ARHGEF3: variants seen among roughly 807,000 people sequenced by gnomAD.
ARHGEF3 encodes the protein Rho guanine nucleotide exchange factor 3.
A neutral mutation model predicts 63.2 loss-of-function variants in ARHGEF3; 28 were observed. That is an observed-to-expected ratio of 0.44 (90% CI 0.33 to 0.61). The LOEUF is 0.61. Among genes scored for constraint, ARHGEF3 ranks in the 20% least tolerant of loss-of-function variants. The probability of loss-of-function intolerance (pLI) is 0.03; values close to 1 mark genes in which losing one functional copy is unlikely to be tolerated. For missense variants in ARHGEF3, 533 were observed against 659.3 expected (o/e 0.81, Z 2.10); for synonymous variants, 266 against 254.2 (o/e 1.05, Z -0.44).
chr3:56,982,222 A>T (rs77930014), intron 2 of ARHGEF3, among the ~76,000 whole-genome samples: 42,746 of 151,696 alleles, frequency 0.28, 6,147 homozygotes, highest in East Asian at 0.4. Context: ...GCCTATCACT[A>T]GACTTGCCAG....
intron 9 of ARHGEF3, 159 bp downstream of exon 9, chr3:56,732,079 A>G: frequency 1.2e-6 from 1 of 830,810 alleles, no homozygotes; most frequent in Non-Finnish European, 1.9e-6. Flanking sequence ...TGAGAATCAC[A>G]GGGACTAAAC....
chr3:56,834,001 T>A (rs1018527032), intron 4 of ARHGEF3, among the ~76,000 whole-genome samples: 1 of 151,128 alleles, frequency 6.6e-6, no homozygotes, highest in Admixed American at 6.6e-5. Context: ...CCTCCCAGGT[T>A]TAAGTGATTC....
intron 2 of ARHGEF3, among the ~76,000 whole-genome samples, chr3:56,764,721 A>G (rs2171857): frequency 0.26 from 39,764 of 151,738 alleles, 7,433 homozygotes; most frequent in African/African-American, 0.54. Context: ...TTACTAAATA[A>G]AAAATGACAA....
chr3:56,737,458 C>A, intron 7 of ARHGEF3, 103 bp from the exon 8 acceptor site: 2 of 830,256 alleles, frequency 2.4e-6, no homozygotes, highest in South Asian at 2.3e-5. Context: ...ACACCTGGAT[C>A]TAACTCTGTT....
rs910820557 is a variant in ARHGEF3, at chr3:56,820,166, T to C, written c.193-46350A>G. Among the ~76,000 whole-genome samples, 7 of 152,300 alleles carry C rather than the reference T, an allele frequency of 4.6e-5. No individual in the cohort carries two copies. The South Asian group carries it at 1.5e-3, about 32-fold the overall frequency. ...AACTTTTATTGACCTACCAGTTTAA[T>C]GGTCAATTGAATTTTTGTGCTGTTA... On this transcript the variant is annotated intron_variant, in intron 4 of 12. Coordinates refer to the ARHGEF3 transcript ENST00000338458.
intron 1 of ARHGEF3, among the ~76,000 whole-genome samples, chr3:57,070,404 G>A (rs571308877): frequency 1.3e-5 from 2 of 152,320 alleles, no homozygotes; most frequent in East Asian, 3.9e-4. Context: ...TTACATCGCT[G>A]GAGTTTTGTC....
intron 2 of ARHGEF3, among the ~76,000 whole-genome samples, chr3:56,968,214 ATT>A (rs1491362816): frequency 0.16 from 4,381 of 27,132 alleles, 417 homozygotes; most frequent in Non-Finnish European, 0.24. Context: ...AAAAATATAT[ATT>A]ATATATAATA....
intron 3 of ARHGEF3, among the ~76,000 whole-genome samples, chr3:56,945,290 C>T (rs1168176745): frequency 6.6e-6 from 1 of 152,050 alleles, no homozygotes; most frequent in Non-Finnish European, 1.5e-5. Context: ...GGATGCAGTT[C>T]ACCGAGCGTG....
chr3:56,880,402 T>C (rs1364842596), intron 4 of ARHGEF3, among the ~76,000 whole-genome samples: 1 of 152,224 alleles, frequency 6.6e-6, no homozygotes, highest in African/African-American at 2.4e-5. Context: ...AGGCCATTGA[T>C]GACAAACAAG....
intron 8 of ARHGEF3, 90 bp downstream of exon 8, chr3:56,737,095 T>G: frequency 7.4e-7 from 1 of 1,359,016 alleles, no homozygotes; most frequent in Non-Finnish European, 1.0e-6. Flanking sequence ...TGACCCTAGA[T>G]AGGGAAGAAA....
intron 4 of ARHGEF3, among the ~76,000 whole-genome samples, chr3:56,837,711 T>C (rs534620844): frequency 5.9e-5 from 9 of 152,034 alleles, no homozygotes; most frequent in African/African-American, 2.2e-4. Flanking sequence ...TGACAAACGG[T>C]TTCCTCCCAG....
chr3:57,073,649 G>A (rs1418491169), intron 1 of ARHGEF3: 1 of 1,570,622 alleles, frequency 6.4e-7, no homozygotes, highest in East Asian at 2.2e-5. Flanking sequence ...CCGGCCAAGT[G>A]CCCCAGCCTC....
At chr3:56,932,081 A>C (rs2042425999) in intron 3 of ARHGEF3, among the ~76,000 whole-genome samples, 1 of 152,202 alleles carries the variant, frequency 6.6e-6, no homozygotes, top group South Asian at 2.1e-4. Flanking sequence ...TTCCATCTTA[A>C]GTAAGCATGG....
intron 2 of ARHGEF3, among the ~76,000 whole-genome samples, chr3:57,024,293 G>T (rs1316324805): frequency 1.0e-5 from 1 of 95,752 alleles, no homozygotes; most frequent in Non-Finnish European, 2.2e-5. Flanking sequence ...AAGAAGGAAA[G>T]ATATTAAAAA....
chr3:56,915,820 C>T (rs1222273414), intron 3 of ARHGEF3, among the ~76,000 whole-genome samples: 1 of 152,152 alleles, frequency 6.6e-6, no homozygotes, highest in Non-Finnish European at 1.5e-5. Context: ...AGCCATCTTC[C>T]AATCCAAAGA....
At chr3:56,882,567 G>A (rs1288582051) in intron 3 of ARHGEF3, among the ~76,000 whole-genome samples, 2 of 147,540 alleles carry the variant, frequency 1.4e-5, no homozygotes, top group Admixed American at 6.8e-5. Flanking sequence ...AGGCTGGGGT[G>A]CGGTGCGGTG....
At chr3:56,731,956 A>C in intron 9 of ARHGEF3, 5 of 573,866 alleles carry the variant, frequency 8.7e-6, no homozygotes, top group African/African-American at 1.9e-5. Context: ...GAGAAAGGGA[A>C]CTTAAGGAGC....
At chr3:56,741,808 T>C (rs963931390) in intron 7 of ARHGEF3, among the ~76,000 whole-genome samples, 4 of 152,186 alleles carry the variant, frequency 2.6e-5, no homozygotes, top group African/African-American at 9.7e-5. Context: ...CAGCTTTGCA[T>C]TGGTTCTTGA....
At chr3:57,032,693 C>G (rs185945681) in intron 2 of ARHGEF3, among the ~76,000 whole-genome samples, 20 of 152,330 alleles carry the variant, frequency 1.3e-4, no homozygotes, top group Admixed American at 1.3e-3. Context: ...AATTCTCAAA[C>G]TGTTGCCAAT....
Sources: gnomAD v4.1 joint callset for allele counts (sites outside exome capture counted in the v4.1 genomes callset) on GRCh38, gnomAD v4.1.1 for gene constraint, MANE v1.5 for transcripts, NCBI Gene and HGNC (gene_info 2026-07-23, HGNC 2026-07-21) for gene names.